MAPK10: variants seen among roughly 807,000 people sequenced by gnomAD.
MAPK10 encodes JNK3 alpha protein kinase.
In MAPK10, 25 loss-of-function variants were observed where a neutral mutation model predicts 59.3. The observed-to-expected ratio is 0.42, with a 90% CI of 0.31 to 0.59. The LOEUF (loss-of-function observed/expected upper bound fraction) is 0.59, where lower values mean the gene tolerates loss of function less well. MAPK10 is among the 20% of genes least tolerant of loss of function. The pLI is 0.15. For missense variants in MAPK10, 351 were observed against 568.9 expected (o/e 0.62, Z 3.90); for synonymous variants, 190 against 200.5 (o/e 0.95, Z 0.44).
intron 1 of MAPK10, among the ~76,000 whole-genome samples, chr4:86,420,915 C>T (rs1746446743): frequency 6.6e-6 from 1 of 152,062 alleles, no homozygotes; most frequent in Admixed American, 6.5e-5. Context: ...AACCCCATCT[C>T]TACTAAAAAT....
chr4:86,549,959 C>G (rs564203791), intron 1 of MAPK10, among the ~76,000 whole-genome samples: 2 of 152,256 alleles, frequency 1.3e-5, no homozygotes. Context: ...TTTTTCAGGC[C>G]AGAAAATAAA....
At chr4:86,178,885 G>A (rs776989859) in intron 3 of MAPK10, among the ~76,000 whole-genome samples, 2 of 152,068 alleles carry the variant, frequency 1.3e-5, no homozygotes, top group South Asian at 2.1e-4. Context: ...TTCTACACAC[G>A]AACAACAAAC....
chr4:86,251,339 C>T lies in MAPK10; in HGVS notation c.-6-56932G>A, dbSNP rs186224594. Among the ~76,000 whole-genome samples the T allele has an allele frequency of 2.0e-3, 301 of 151,928 alleles. 2 individuals carry two copies. The highest frequency in any genetic ancestry group is 3.3e-3 in the Admixed American group (51 of 15,240). ...ATCCCTCCCCCCTCCTCCCTCCCCACCACAGTCCCCAGAGTGTGATATTCC... is the reference window on the plus strand; with the variant it reads ...ATCCCTCCCCCCTCCTCCCTCCCCATCACAGTCCCCAGAGTGTGATATTCC... On this transcript the variant is annotated intron_variant, in intron 2 of 13. Transcript: ENST00000641462.
intron 1 of MAPK10, among the ~76,000 whole-genome samples, chr4:86,460,502 C>G (rs535720101): frequency 2.6e-5 from 4 of 152,342 alleles, no homozygotes; most frequent in Admixed American, 6.5e-5. Context: ...GATGGAACCA[C>G]CAATTAATGC....
chr4:86,139,416 A>G (rs1469828359), intron 4 of MAPK10, among the ~76,000 whole-genome samples: 4 of 150,244 alleles, frequency 2.7e-5, no homozygotes, highest in African/African-American at 7.3e-5. Flanking sequence ...AAACCTGAGA[A>G]AAACAAGCAA....
intron 2 of MAPK10, among the ~76,000 whole-genome samples, chr4:86,222,385 C>T (rs909551177): frequency 2.0e-5 from 3 of 152,102 alleles, no homozygotes; most frequent in African/African-American, 7.2e-5. Context: ...AAAAATGGCC[C>T]TCTGCTAAAA....
At chr4:86,445,216 A>C (rs771535626) in intron 1 of MAPK10, among the ~76,000 whole-genome samples, 3 of 152,248 alleles carry the variant, frequency 2.0e-5, no homozygotes, top group Non-Finnish European at 4.4e-5. Context: ...TGGCACATAT[A>C]CACCATGGAA....
At chr4:86,204,495 C>T (rs2083373665) in intron 2 of MAPK10, among the ~76,000 whole-genome samples, 1 of 151,844 alleles carries the variant, frequency 6.6e-6, no homozygotes, top group Non-Finnish European at 1.5e-5. Context: ...ATCAAGATAG[C>T]TAGTACAACA....
At chr4:86,108,222 A>C (rs1028120595) in intron 4 of MAPK10, among the ~76,000 whole-genome samples, 3 of 152,134 alleles carry the variant, frequency 2.0e-5, no homozygotes, top group African/African-American at 7.2e-5. Context: ...TGAAAAAGCT[A>C]TCTAAATATT....
At chr4:86,323,434 T>C (rs2095948208) in intron 2 of MAPK10, among the ~76,000 whole-genome samples, 2 of 152,222 alleles carry the variant, frequency 1.3e-5, no homozygotes, top group South Asian at 2.1e-4. Flanking sequence ...AAGTGTTTTA[T>C]GTAGGTAATC....
intron 1 of MAPK10, among the ~76,000 whole-genome samples, chr4:86,427,883 C>T (rs1579181652): frequency 1.3e-5 from 2 of 152,184 alleles, no homozygotes; most frequent in East Asian, 1.9e-4. Context: ...ATTCGGGCCA[C>T]ACCTTCTCAT....
intron 2 of MAPK10, among the ~76,000 whole-genome samples, chr4:86,347,975 G>T (rs899911576): frequency 6.6e-6 from 1 of 152,102 alleles, no homozygotes; most frequent in Non-Finnish European, 1.5e-5. Context: ...GGTAACTGCT[G>T]CAGCCATTGA....
At chr4:86,169,860 G>T (rs934086942) in intron 3 of MAPK10, among the ~76,000 whole-genome samples, 1 of 152,062 alleles carries the variant, frequency 6.6e-6, no homozygotes, top group Non-Finnish European at 1.5e-5. Context: ...ACTAACAGCG[G>T]ATCTCTCGGC....
intron 2 of MAPK10, among the ~76,000 whole-genome samples, chr4:86,246,708 G>A (rs560832174): frequency 7.9e-5 from 12 of 152,234 alleles, no homozygotes; most frequent in African/African-American, 2.6e-4. Context: ...TGAAGAAACC[G>A]AGAGTCAGCT....
chr4:86,503,167 G>A (rs933522055), intron 1 of MAPK10, among the ~76,000 whole-genome samples: 47 of 152,104 alleles, frequency 3.1e-4, no homozygotes, highest in African/African-American at 8.9e-4. Flanking sequence ...TGTTCCTGAT[G>A]TTCTGAATTC....
intron 3 of MAPK10, chr4:86,160,297 T>C (rs894022108): frequency 2.6e-5 from 4 of 151,952 alleles, no homozygotes; most frequent in Non-Finnish European, 5.9e-5. Flanking sequence ...ATGACATAAA[T>C]AGTAAGAATT....
At chr4:86,386,245 G>C (rs17417758) in intron 1 of MAPK10, among the ~76,000 whole-genome samples, 42,378 of 152,102 alleles carry the variant, frequency 0.28, 6,666 homozygotes, top group Non-Finnish European at 0.35. Context: ...GATTCGCTAA[G>C]CATACTTCTA....
intron 4 of MAPK10, among the ~76,000 whole-genome samples, chr4:86,118,853 A>C (rs2058732369): frequency 6.6e-6 from 1 of 152,182 alleles, no homozygotes; most frequent in Admixed American, 6.5e-5. Flanking sequence ...TAGCCTGGCA[A>C]ACCAAATTCT....
rs561148918 is a variant in MAPK10 at position 86,136,478 on chromosome 4, C to A, written c.236+22820G>T. Among the ~76,000 whole-genome samples, 139 of 150,232 alleles carry A rather than the reference C, an allele frequency of 9.3e-4. No homozygotes were observed. In the Middle Eastern group the frequency reaches 0.024, roughly 26 times the overall value. ...AGAAATAAAATACTTTACAGACAAG[C>A]AAATGCTGAGAGATTTTGTCCCACC... is the stretch of plus-strand genomic sequence containing the variant. On this transcript the variant is annotated intron_variant, in intron 4 of 13. Transcript: ENST00000641462.
Sources: gnomAD v4.1 joint callset for allele counts (sites outside exome capture counted in the v4.1 genomes callset) on GRCh38, gnomAD v4.1.1 for gene constraint, MANE v1.5 for transcripts, NCBI Gene and HGNC (gene_info 2026-07-23, HGNC 2026-07-21) for gene names.